The following RPS6KC1 variants were observed in gnomAD, a reference collection of about 807,000 sequenced individuals.
RPS6KC1 encodes the protein inactive ribosomal protein S6 kinase delta-1.
A neutral mutation model predicts 103.8 loss-of-function variants in RPS6KC1; 54 were observed. That is an observed-to-expected ratio of 0.52 (90% confidence interval 0.42 to 0.65). The LOEUF (loss-of-function observed/expected upper bound fraction) is 0.65, where lower values mean the gene tolerates loss of function less well. RPS6KC1 is among the 30% of genes least tolerant of loss of function. The probability of loss-of-function intolerance (pLI) is 0.00; values close to 1 mark genes in which losing one functional copy is unlikely to be tolerated. For synonymous variants in RPS6KC1, 439 were observed against 438.7 expected (o/e 1.00, Z -0.01); for missense variants, 1,151 against 1,253.8 (o/e 0.92, Z 1.24).
chr1:213,068,452 C>A (rs2078535190), intron 1 of RPS6KC1, among the ~76,000 whole-genome samples: 1 of 128,648 alleles, frequency 7.8e-6, no homozygotes, highest in Non-Finnish European at 1.6e-5. Context: ...CCACTGCACT[C>A]CAGCTTGGGT....
intron 6 of RPS6KC1, among the ~76,000 whole-genome samples, chr1:213,143,562 A>G (rs1340232468): frequency 6.6e-6 from 1 of 151,884 alleles, no homozygotes; most frequent in Non-Finnish European, 1.5e-5. Context: ...ATATACATTT[A>G]GGATTATTAA....
the RPS6KC1 span, among the ~76,000 whole-genome samples, chr1:213,414,674 C>T: frequency 6.6e-6 from 1 of 152,094 alleles, no homozygotes; most frequent in Non-Finnish European, 1.5e-5. Flanking sequence ...TTGTTTCAGG[C>T]CACCTGGTTT....
chr1:213,244,928 T>C (rs574164178), intron 12 of RPS6KC1, among the ~76,000 whole-genome samples: 1 of 152,330 alleles, frequency 6.6e-6, no homozygotes, highest in South Asian at 2.1e-4. Context: ...AAAAGTGTTC[T>C]AGTGTTGTGG....
the RPS6KC1 span, among the ~76,000 whole-genome samples, chr1:213,380,980 G>T: frequency 6.6e-6 from 1 of 152,178 alleles, no homozygotes. Context: ...AAACAAGGAT[G>T]CCTGGCTTGG....
At chr1:213,515,602 T>G in the RPS6KC1 span, among the ~76,000 whole-genome samples, 1 of 152,234 alleles carries the variant, frequency 6.6e-6, no homozygotes, top group Non-Finnish European at 1.5e-5. Flanking sequence ...TCTGTTTTTG[T>G]ACCAGTACCA....
chr1:213,769,934 G>A, the RPS6KC1 span, among the ~76,000 whole-genome samples: 1 of 152,124 alleles, frequency 6.6e-6, no homozygotes, highest in African/African-American at 2.4e-5. Flanking sequence ...TGGTTCTGGA[G>A]AGTGTGAAAA....
chr1:213,548,906 A>G, the RPS6KC1 span, among the ~76,000 whole-genome samples: 1 of 152,234 alleles, frequency 6.6e-6, no homozygotes, highest in Non-Finnish European at 1.5e-5. Flanking sequence ...TAAGAATTGT[A>G]AGTTAAAGTT....
the RPS6KC1 span, among the ~76,000 whole-genome samples, chr1:213,810,027 T>C: frequency 6.6e-6 from 1 of 152,196 alleles, no homozygotes. Context: ...GCCTCTCACC[T>C]CTCTCTATCC....
At chr1:213,095,256 CTCTT>C (rs1351050313) in intron 3 of RPS6KC1, among the ~76,000 whole-genome samples, 2 of 152,164 alleles carry the variant, frequency 1.3e-5, no homozygotes, top group African/African-American at 2.4e-5. Flanking sequence ...CTTGACCTCT[CTCTT>C]TCTTTTTACT....
chr1:213,183,231 A>C (rs59871704), intron 8 of RPS6KC1, among the ~76,000 whole-genome samples: 1,596 of 152,264 alleles, frequency 0.01, 31 homozygotes, highest in African/African-American at 0.036. Flanking sequence ...GGAGACTTCA[A>C]CTGTCTCAAA....
At chr1:213,724,825 G>A in the RPS6KC1 span, among the ~76,000 whole-genome samples, 3 of 152,222 alleles carry the variant, frequency 2.0e-5, no homozygotes, top group East Asian at 1.9e-4. Context: ...GTCTGATTAC[G>A]TCAGGCACTG....
At chr1:213,509,127 G>A in the RPS6KC1 span, among the ~76,000 whole-genome samples, 1 of 152,198 alleles carries the variant, frequency 6.6e-6, no homozygotes, top group Admixed American at 6.5e-5. Context: ...TGGTAGTAAG[G>A]TGTATTTAAT....
chr1:213,550,465 G>C, the RPS6KC1 span, among the ~76,000 whole-genome samples: 2 of 151,838 alleles, frequency 1.3e-5, no homozygotes, highest in African/African-American at 4.8e-5. Flanking sequence ...ACATCGATTC[G>C]CTTCCCCAGT....
chr1:213,465,173 C>G, the RPS6KC1 span, among the ~76,000 whole-genome samples: 1 of 152,172 alleles, frequency 6.6e-6, no homozygotes, highest in Non-Finnish European at 1.5e-5. Context: ...CTGCCCAGTT[C>G]TGCTTCGCCT....
chr1:213,556,143 A>T, the RPS6KC1 span, among the ~76,000 whole-genome samples: 1 of 152,218 alleles, frequency 6.6e-6, no homozygotes, highest in East Asian at 1.9e-4. Context: ...CACTAGGTAA[A>T]TATTTTGTCC....
chr1:213,598,012 C>G, the RPS6KC1 span, among the ~76,000 whole-genome samples: 1 of 152,130 alleles, frequency 6.6e-6, no homozygotes, highest in Non-Finnish European at 1.5e-5. Context: ...GATGACTTGT[C>G]TCGAGGTATT....
chr1:213,627,612 A>G, the RPS6KC1 span, among the ~76,000 whole-genome samples: 1 of 152,160 alleles, frequency 6.6e-6, no homozygotes, highest in Non-Finnish European at 1.5e-5. Context: ...TACCTAATTT[A>G]TTGAGAGTTT....
intron 1 of RPS6KC1, among the ~76,000 whole-genome samples, chr1:213,062,359 T>A (rs1010447313): frequency 6.6e-6 from 1 of 152,218 alleles, no homozygotes; most frequent in African/African-American, 2.4e-5. Flanking sequence ...ATATATTTCA[T>A]GTATGTGCAA....
intron 14 of RPS6KC1, among the ~76,000 whole-genome samples, chr1:213,263,910 G>A (rs993518244): frequency 2.0e-4 from 31 of 152,034 alleles, no homozygotes; most frequent in Admixed American, 8.5e-4. Flanking sequence ...ACTTTTGCTG[G>A]GCCTTAGGAT....
Sources: gnomAD v4.1 joint callset for allele counts (sites outside exome capture counted in the v4.1 genomes callset) on GRCh38, gnomAD v4.1.1 for gene constraint, MANE v1.5 for transcripts, NCBI Gene and HGNC (gene_info 2026-07-23, HGNC 2026-07-21) for gene names.